Variants in SLC6A20 observed in about 807,000 individuals in gnomAD.
SLC6A20 encodes the protein solute carrier family 6 member 20.
A neutral mutation model predicts 64.3 loss-of-function variants in SLC6A20; 73 were observed. The observed-to-expected ratio is 1.14, with a 90% confidence interval of 0.94 to 1.38. SLC6A20 has a LOEUF of 1.38. SLC6A20 is among the 40% of genes most tolerant of loss of function. The probability of loss-of-function intolerance (pLI) is 0.00; values close to 1 mark genes in which losing one functional copy is unlikely to be tolerated. For synonymous variants in SLC6A20, 347 were observed against 329.6 expected, an observed-to-expected ratio of 1.05 and a Z score of -0.57; for missense variants, 725 against 772.8, an observed-to-expected ratio of 0.94 and a Z score of 0.73.
chr3:45,763,037 C>T lies in SLC6A20; in HGVS notation c.1339G>A (p.Val447Met). The T allele has an allele frequency of 6.2e-7, 1 of 1,614,150 alleles. No individual in the cohort carries two copies. The change falls in exon 9 of 11, where the codon GTG becomes ATG. Residue 447 changes from valine to methionine, a missense_variant. By Grantham distance (21) the Val-to-Met change is conservative. Transcript: ENST00000358525. ...VCLVNCAIGM[V>M]FTMEAGNYWF... ...TAGTTCCCAGCCTCCATCGTGAACA[C>T]CATGCCAATGGCACAGTTGACAAGG...
At chr3:45,796,014 G>A (rs926915111) in intron 1 of SLC6A20, among the ~76,000 whole-genome samples, 4 of 152,168 alleles carry the variant, frequency 2.6e-5, no homozygotes, top group African/African-American at 9.7e-5. Flanking sequence ...CGTCCCCTGC[G>A]CTCTCAGAGC....
chr3:45,787,537 C>A (rs1700189993), intron 1 of SLC6A20, among the ~76,000 whole-genome samples: 1 of 152,186 alleles, frequency 6.6e-6, no homozygotes, highest in African/African-American at 2.4e-5. Flanking sequence ...CAGCACTGGG[C>A]AGAGAGCCAG....
chr3:45,767,273 C>T (rs1368028877), intron 7 of SLC6A20, among the ~76,000 whole-genome samples: 1 of 152,048 alleles, frequency 6.6e-6, no homozygotes, highest in Non-Finnish European at 1.5e-5. Context: ...CCTATGGCCA[C>T]CACTGAAACA....
chr3:45,795,342 G>T (rs1700327907), intron 1 of SLC6A20, among the ~76,000 whole-genome samples: 1 of 145,992 alleles, frequency 6.8e-6, no homozygotes, highest in Non-Finnish European at 1.5e-5. Context: ...TTTTTTTTTT[G>T]AAAATGCCGC....
intron 9 of SLC6A20, among the ~76,000 whole-genome samples, chr3:45,760,940 C>T (rs779597372): frequency 1.4e-4 from 21 of 152,186 alleles, no homozygotes; most frequent in Non-Finnish European, 2.9e-4. Flanking sequence ...AAACCTGCTC[C>T]CTACAGCGGA....
At chr3:45,792,611 C>T (rs1700274444) in intron 1 of SLC6A20, among the ~76,000 whole-genome samples, 1 of 152,188 alleles carries the variant, frequency 6.6e-6, no homozygotes. Flanking sequence ...GCACTGTTCC[C>T]TGATCCATCC....
chr3:45,775,648 A>T, intron 4 of SLC6A20, 113 bp downstream of exon 4: 1 of 1,000,356 alleles, frequency 1.0e-6, no homozygotes, highest in Non-Finnish European at 1.4e-6. Context: ...CTGCCTTTCC[A>T]CTGCAGAGGG....
At chr3:45,790,581 CCTGA>C (rs1213950918) in intron 1 of SLC6A20, 6 of 152,266 alleles carry the variant, frequency 3.9e-5, no homozygotes, top group African/African-American at 1.4e-4. Context: ...CTTTACTCTT[CCTGA>C]CTGTCACTGG....
intron 2 of SLC6A20, 117 bp downstream of exon 2, chr3:45,781,966 T>C: frequency 4.5e-6 from 6 of 1,324,390 alleles, no homozygotes; most frequent in Non-Finnish European, 5.9e-6. Context: ...AGGCAAGAGC[T>C]CTCTCTTGGG....
At chr3:45,779,022 A>C (rs551648535) in intron 3 of SLC6A20, among the ~76,000 whole-genome samples, 3 of 152,330 alleles carry the variant, frequency 2.0e-5, no homozygotes, top group East Asian at 3.9e-4. Flanking sequence ...TCACGCCCCC[A>C]CAGAGTCAAG....
At chr3:45,780,361 G>T (rs1700059158) in intron 2 of SLC6A20, among the ~76,000 whole-genome samples, 1 of 152,214 alleles carries the variant, frequency 6.6e-6, no homozygotes, top group South Asian at 2.1e-4. Flanking sequence ...TAACTGCCAG[G>T]CACTGTGCTA....
At chr3:45,782,502 A>T (rs1330785490) in intron 1 of SLC6A20, among the ~76,000 whole-genome samples, 1 of 150,100 alleles carries the variant, frequency 6.7e-6, no homozygotes, top group East Asian at 2.0e-4. Flanking sequence ...CCATTCATCC[A>T]TCCGTTCTTC....
intron 8 of SLC6A20, among the ~76,000 whole-genome samples, chr3:45,764,454 G>A (rs1559562427): frequency 6.6e-6 from 1 of 152,222 alleles, no homozygotes; most frequent in South Asian, 2.1e-4. Flanking sequence ...TGTAATCCCA[G>A]TATTTTGGGA....
chr3:45,779,911 C>T, intron 3 of SLC6A20, 98 bp downstream of exon 3: 3 of 1,331,552 alleles, frequency 2.3e-6, no homozygotes, highest in Non-Finnish European at 2.1e-6. Context: ...CCCGAGGCTG[C>T]TCACCTTGCC....
intron 3 of SLC6A20, among the ~76,000 whole-genome samples, chr3:45,776,586 CG>C (rs1699972632): frequency 6.6e-6 from 1 of 152,168 alleles, no homozygotes; most frequent in Non-Finnish European, 1.5e-5. Flanking sequence ...CAGGTTCTCT[CG>C]GGCTCAGACA....
intron 3 of SLC6A20, among the ~76,000 whole-genome samples, chr3:45,777,586 T>C (rs1553663187): frequency 6.6e-6 from 1 of 152,188 alleles, no homozygotes; most frequent in Non-Finnish European, 1.5e-5. Flanking sequence ...CCTCTCACCC[T>C]CTTGGAGACC....
rs144810078 is a variant in SLC6A20 at position 45,784,099 on chromosome 3, C to T, written c.122-1876G>A. On this transcript the variant is annotated intron_variant, in intron 1 of 10. Transcript: ENST00000358525. ...GGTCCAGGGACGACTGTCTCTCTGACAGGGTCTGACTGCCCAGTGCCCATG... is the reference window on the plus strand; with the variant it reads ...GGTCCAGGGACGACTGTCTCTCTGATAGGGTCTGACTGCCCAGTGCCCATG... Among the ~76,000 whole-genome samples, 286 of 152,302 alleles carry T rather than the reference C, an allele frequency of 1.9e-3. 1 individual carries two copies. The highest frequency in any genetic ancestry group is 4.3e-3 in the Admixed American group (66 of 15,304).
rs1699529206 is a variant in SLC6A20, at chr3:45,755,772, C to T, written c.*3206G>A. 6.6e-6 allele frequency: 1 copy of T among 152,586 alleles called. No homozygotes were observed. Among genetic ancestry groups the T allele is most frequent in the African/African-American group, 2.4e-5 (1 of 41,434 alleles). 9.5% of individuals were successfully genotyped at this position (152,586 alleles called of 1,614,324 possible). ...CTCAAGAGGATTCTTGAGAAATGTT[C>T]TGCTCTTCATGAAATTCACAGAAAC... On this transcript the variant is annotated 3_prime_UTR_variant, in exon 11 of 11. Transcript: ENST00000358525.
intron 9 of SLC6A20, 89 bp downstream of exon 9, chr3:45,762,824 G>T: frequency 6.6e-7 from 1 of 1,516,286 alleles, no homozygotes; most frequent in Non-Finnish European, 9.1e-7. Flanking sequence ...AGGTGAAGAT[G>T]TGCATCAAGA....
Sources: allele counts gnomAD v4.1 joint callset (sites outside exome capture counted in the v4.1 genomes callset), GRCh38; gene constraint gnomAD v4.1.1; transcripts MANE v1.5; gene names NCBI Gene and HGNC (gene_info 2026-07-23, HGNC 2026-07-21).